The following CCPG1 variants were observed in gnomAD, a reference collection of about 807,000 sequenced individuals.
The protein encoded by CCPG1 is cell cycle progression 1, also known as cell cycle progression protein 1.
Under a neutral mutation model 81.3 loss-of-function variants are expected in CCPG1, and 46 were observed. That is an observed-to-expected ratio of 0.57 (90% confidence interval 0.45 to 0.72). The LOEUF (loss-of-function observed/expected upper bound fraction) is 0.72. Ranked by LOEUF, CCPG1 falls within the 30% of genes least tolerant of loss-of-function variation. The probability of loss-of-function intolerance (pLI) is 0.00; values close to 1 mark genes in which losing one functional copy is unlikely to be tolerated. For missense variants in CCPG1, 902 were observed against 937.6 expected (o/e 0.96, Z 0.50); for synonymous variants, 330 against 305.2 (o/e 1.08, Z -0.85).
rs144957908 is a variant in CCPG1, at chr15:55,372,118, A to C, written c.455-74T>G. The C allele has an allele frequency of 1.6e-4, 229 of 1,399,746 alleles. 1 individual carries two copies. In the East Asian group the frequency reaches 5.3e-3, roughly 32 times the overall value. The allele number at this position is 1,399,746 out of a possible 1,614,324, so 86.7% of individuals were successfully genotyped here. On this transcript the variant is annotated intron_variant, in intron 5 of 8. Coordinates refer to ENST00000442196, the MANE Select transcript of CCPG1 (RefSeq NM_001204450.2). The stretch of plus-strand genomic sequence containing the variant: ...TTTCCCAGTAAAAATTATTTAGAAT[A>C]ATCAATGCCATCCCTTACATGCCTT...
Position 55,388,132 on chromosome 15 carries a change from G to A in CCPG1, c.60+1233C>T, listed in dbSNP as rs567465423. On this transcript the variant is annotated intron_variant, in intron 2 of 8. Coordinates refer to ENST00000442196, the MANE Select transcript of CCPG1 (RefSeq NM_001204450.2). Reference sequence around the variant, plus strand: ...CGTCACTGTACAAGACAACAAGAGCGACAGCCTGGACAACAAGAGCAAAAC... The same window carrying A: ...CGTCACTGTACAAGACAACAAGAGCAACAGCCTGGACAACAAGAGCAAAAC... 6.6e-5 allele frequency among the ~76,000 whole-genome samples: 10 copies of A among 151,776 alleles called. No individual in the cohort carries two copies. The South Asian group carries it at 1.7e-3, about 25-fold the overall frequency.
intron 7 of CCPG1, among the ~76,000 whole-genome samples, chr15:55,362,971 T>A (rs940674751): frequency 6.6e-6 from 1 of 151,958 alleles, no homozygotes; most frequent in African/African-American, 2.4e-5. Flanking sequence ...AGCCCAGAAG[T>A]TAAGGCAGCA....
rs776690955 is a variant in CCPG1 at position 55,360,515 on chromosome 15, C to T, written c.1258G>A (p.Glu420Lys). 3 of 1,614,036 alleles carry T rather than the reference C, an allele frequency of 1.9e-6. No homozygotes were observed. The highest frequency in any genetic ancestry group is 3.3e-5 in the Admixed American group (2 of 60,004). The change falls in exon 8 of 9, where the codon GAA (glutamate) becomes AAA (lysine). Residue 420 changes from glutamate (E) to lysine (K), a missense_variant. Coordinates refer to ENST00000442196, the MANE Select transcript of CCPG1 (RefSeq NM_001204450.2). Reference protein sequence around the residue: ...GKSDSPNVYTEKKEIAILRER... With the variant: ...GKSDSPNVYTKKKEIAILRER... ...CGTAAGATTGCTATTTCCTTTTTTTCAGTATATACATTGGGAGAATCTGAC... is the reference window on the plus strand; with the variant it reads ...CGTAAGATTGCTATTTCCTTTTTTTTAGTATATACATTGGGAGAATCTGAC...
chr15:55,355,324 A>G lies in CCPG1; in HGVS notation c.*896T>C, dbSNP rs2056054668. The G allele has an allele frequency of 6.2e-7, 1 of 1,611,268 alleles. No homozygotes were observed. Among genetic ancestry groups the G allele is most frequent in the Non-Finnish European group, 8.5e-7 (1 of 1,177,930 alleles). On this transcript the variant is annotated 3_prime_UTR_variant, in exon 9 of 9. Coordinates refer to ENST00000442196, the MANE Select transcript of CCPG1 (RefSeq NM_001204450.2). ...TCCTAATTTCAAGCAATTATAAAAG[A>G]ACTGCTGTTTTCTTCCACACTCACT...
intron 5 of CCPG1, 136 bp from the exon 6 acceptor site, chr15:55,372,180 A>G: frequency 1.3e-6 from 1 of 776,886 alleles, no homozygotes. Flanking sequence ...ACCAAACAAC[A>G]TAAACAAAAA....
chr15:55,367,257 T>C (rs1378927406), intron 6 of CCPG1, among the ~76,000 whole-genome samples: 48 of 152,208 alleles, frequency 3.2e-4, no homozygotes. Context: ...GCAATTTCTA[T>C]TTCAAACTGC....
chr15:55,391,728 G>A (rs1040570742), intron 1 of CCPG1, among the ~76,000 whole-genome samples: 8 of 152,002 alleles, frequency 5.3e-5, no homozygotes, highest in African/African-American at 1.9e-4. Context: ...AGTGGAGAGT[G>A]CCTATTAATC....
intron 1 of CCPG1, among the ~76,000 whole-genome samples, chr15:55,402,134 CTACT>C (rs1460908909): frequency 1.3e-5 from 2 of 152,196 alleles, no homozygotes; most frequent in Non-Finnish European, 2.9e-5. Flanking sequence ...GTAGCTTACA[CTACT>C]TACTTTTTTC....
At chr15:55,379,441 T>G (rs1237438720) in intron 3 of CCPG1, among the ~76,000 whole-genome samples, 1 of 151,996 alleles carries the variant, frequency 6.6e-6, no homozygotes, top group Non-Finnish European at 1.5e-5. Flanking sequence ...GGCAGGAGGA[T>G]TACTTGAGCC....
At chr15:55,390,113 G>A (rs1331438548) in intron 1 of CCPG1, among the ~76,000 whole-genome samples, 8 of 152,160 alleles carry the variant, frequency 5.3e-5, no homozygotes, top group Non-Finnish European at 1.0e-4. Context: ...TAGTAGAGAC[G>A]GGGTTTCACT....
At chr15:55,398,018 T>C (rs1242882112) in intron 1 of CCPG1, among the ~76,000 whole-genome samples, 5 of 151,892 alleles carry the variant, frequency 3.3e-5, no homozygotes. Context: ...GCAAATTGGT[T>C]TGGGGCATTT....
chr15:55,369,109 C>G (rs1367888154), intron 6 of CCPG1, among the ~76,000 whole-genome samples: 1 of 139,874 alleles, frequency 7.1e-6, no homozygotes, highest in African/African-American at 3.1e-5. Context: ...AAGACTCTGT[C>G]TCAAAAAAAA....
In CCPG1 at chr15:55,398,507, C is replaced by T. The variant is rs747434640; in HGVS notation, c.-9-9074G>A. Reference sequence around the variant, plus strand: ...TCAAAAGGTCTGGGTCTTTCACCTCCGCCAAAGGATATGAAAATGTCTGCT... The same window carrying T: ...TCAAAAGGTCTGGGTCTTTCACCTCTGCCAAAGGATATGAAAATGTCTGCT... On this transcript the variant is annotated intron_variant, in intron 1 of 8. Transcript: ENST00000442196. Among the ~76,000 whole-genome samples, 6 of 152,192 alleles carry T rather than the reference C, an allele frequency of 3.9e-5. No homozygotes were observed. In the East Asian group the frequency reaches 5.8e-4, roughly 15 times the overall value.
Position 55,360,395 on chromosome 15 carries a change from C to G in CCPG1, c.1378G>C (p.Gly460Arg). The change falls in exon 8 of 9, where the codon GGA becomes CGA. Residue 460 changes from glycine to arginine, a missense_variant. This residue lies in a region of CCPG1 where 746 missense variants were observed against 728.6 expected (regional missense o/e 1.02). Transcript: ENST00000442196. ...TTTTTTCCATCTGTTCCTTGTTTTC[C>G]ATTTTGATCTTTTGCCTCAACATAC... ...RLYVEAKDQNGKQGTDGKKKG... is the reference protein window; with the variant it reads ...RLYVEAKDQNRKQGTDGKKKG... The G allele has an allele frequency of 6.2e-7, 1 of 1,613,758 alleles. No homozygotes were observed. The highest frequency in any genetic ancestry group is 8.5e-7 in the Non-Finnish European group (1 of 1,180,024).
rs1297624170 is a variant in CCPG1, at chr15:55,360,865, A to G, written c.908T>C (p.Leu303Pro). The G allele has an allele frequency of 6.2e-7, 1 of 1,607,070 alleles. No individual in the cohort carries two copies. Among genetic ancestry groups the G allele is most frequent in the Non-Finnish European group, 8.5e-7 (1 of 1,178,028 alleles). The part of the protein sequence containing the change: ...KMSFETQKTN[L>P]ATENQYLRVS... Reference sequence around the variant, plus strand: ...TCTTAAATACTGATTTTCTGTAGCAAGGTTCGTTTTCTGAGTTTCAAAGGA... The same window carrying G: ...TCTTAAATACTGATTTTCTGTAGCAGGGTTCGTTTTCTGAGTTTCAAAGGA... Residue 303 changes from leucine to proline, a missense_variant, in exon 8 of 9, where the codon CTT (leucine) becomes CCT (proline). By Grantham distance (98) the Leu-to-Pro change is moderately conservative. Transcript: ENST00000442196.
At chr15:55,398,012 A>C (rs777266212) in intron 1 of CCPG1, among the ~76,000 whole-genome samples, 1 of 151,968 alleles carries the variant, frequency 6.6e-6, no homozygotes, top group Non-Finnish European at 1.5e-5. Flanking sequence ...AAACCAGCAA[A>C]TTGGTTTGGG....
rs1397414594 is a variant in CCPG1, at chr15:55,360,144, G to A, written c.1629C>T (p.Ile543=). 9.9e-6 allele frequency: 16 copies of A among 1,613,338 alleles called. No individual in the cohort carries two copies. The highest frequency in any genetic ancestry group is 1.6e-4 in the Middle Eastern group (1 of 6,080). Residue 543 remains isoleucine (I), a synonymous_variant, in exon 8 of 9, where the codon ATC becomes ATT. Coordinates refer to ENST00000442196, the MANE Select transcript of CCPG1 (RefSeq NM_001204450.2). The part of the protein sequence containing the change: ...FRHFKDTTKN[I]FDEKGNKRFG... ...ATCTTTTATTACCCTTTTCATCAAAGATATTCTTGGTGGTATCTTTAAAGT... is the reference window on the plus strand; with the variant it reads ...ATCTTTTATTACCCTTTTCATCAAAAATATTCTTGGTGGTATCTTTAAAGT...
intron 6 of CCPG1, among the ~76,000 whole-genome samples, chr15:55,365,824 GC>G: frequency 6.6e-6 from 1 of 151,278 alleles, no homozygotes; most frequent in East Asian, 2.0e-4. Flanking sequence ...GGGCACAGTG[GC>G]TCACGCCTGT....
Position 55,360,552 on chromosome 15 carries a change from C to G in CCPG1, c.1221G>C (p.Gln407His). 5 of 1,614,114 alleles carry G rather than the reference C, an allele frequency of 3.1e-6. No homozygotes were observed. The highest frequency in any genetic ancestry group is 4.2e-6 in the Non-Finnish European group (5 of 1,180,028). The change falls in exon 8 of 9, where the codon CAG becomes CAC. Residue 407 changes from glutamine to histidine, a missense_variant. This residue lies in a region of CCPG1 where 746 missense variants were observed against 728.6 expected (regional missense o/e 1.02). Transcript: ENST00000442196. ...RGELQQLSGS[Q>H]LHGKSDSPNV... ...TGGGAGAATCTGACTTGCCATGTAA[C>G]TGACTACCACTTAACTGCTGGAGTT... is the stretch of plus-strand genomic sequence containing the variant.
Sources: gnomAD v4.1 joint callset for allele counts (sites outside exome capture counted in the v4.1 genomes callset) on GRCh38, gnomAD v4.1.1 for gene constraint, gnomAD v4.1.1 regional missense constraint, MANE v1.5 for transcripts, NCBI Gene and HGNC (gene_info 2026-07-23, HGNC 2026-07-21) for gene names.